PREX2: variants seen among roughly 807,000 people sequenced by gnomAD.
PREX2 encodes the protein phosphatidylinositol 3,4,5-trisphosphate-dependent Rac exchanger 2 protein.
In PREX2, 107 loss-of-function variants were observed where a neutral mutation model predicts 203.2. That is an observed-to-expected ratio of 0.53 (90% CI 0.45 to 0.62). The LOEUF is 0.62. Among genes scored for constraint, PREX2 ranks in the 20% least tolerant of loss-of-function variants. The pLI, the probability that PREX2 is intolerant of heterozygous loss-of-function variation, is 0.00. For synonymous variants in PREX2, 672 were observed against 663.6 expected (o/e 1.01, Z -0.19); for missense variants, 1,777 against 1,955.9 (o/e 0.91, Z 1.72).
chr8:68,076,678 T>C (rs1339864891), intron 14 of PREX2, among the ~76,000 whole-genome samples: 1 of 114,498 alleles, frequency 8.7e-6, no homozygotes, highest in African/African-American at 3.1e-5. Context: ...ACAATACAAC[T>C]CTAAGGTCAC....
At chr8:68,138,817 T>C (rs898233876) in intron 33 of PREX2, among the ~76,000 whole-genome samples, 2 of 152,180 alleles carry the variant, frequency 1.3e-5, no homozygotes, top group Non-Finnish European at 2.9e-5. Flanking sequence ...CTAAGAAATC[T>C]TCAGTAGTTT....
intron 33 of PREX2, 26 bp downstream of exon 33, chr8:68,138,543 T>G (rs752056701): frequency 2.6e-6 from 3 of 1,135,476 alleles, no homozygotes; most frequent in South Asian, 1.4e-5. Context: ...TTTACAAAAT[T>G]TATTTGGCAT....
intron 23 of PREX2, chr8:68,102,725 A>C: frequency 2.4e-6 from 1 of 419,028 alleles, no homozygotes; most frequent in South Asian, 1.8e-5. Context: ...TTGACTCTGA[A>C]AGTTTTAGGT....
chr8:68,055,471 A>G (rs1175383030), intron 9 of PREX2, among the ~76,000 whole-genome samples: 1 of 147,876 alleles, frequency 6.8e-6, no homozygotes, highest in African/African-American at 2.5e-5. Flanking sequence ...TTTTTTTTCT[A>G]CCAGAACTGT....
intron 1 of PREX2, among the ~76,000 whole-genome samples, chr8:67,992,473 T>C (rs1585685265): frequency 6.6e-6 from 1 of 152,312 alleles, no homozygotes; most frequent in East Asian, 1.9e-4. Context: ...CTTAGAGAAA[T>C]AGAGCATTTT....
intron 39 of PREX2, among the ~76,000 whole-genome samples, chr8:68,225,541 T>C (rs541998691): frequency 1.3e-5 from 2 of 152,222 alleles, no homozygotes; most frequent in Non-Finnish European, 2.9e-5. Flanking sequence ...ACTATTTCTC[T>C]TCACAGAGCA....
chr8:68,154,195 G>A (rs1298852566), intron 34 of PREX2, among the ~76,000 whole-genome samples: 1 of 152,156 alleles, frequency 6.6e-6, no homozygotes, highest in African/African-American at 2.4e-5. Context: ...TACAAACTTT[G>A]TGTTTGGCTA....
chr8:67,998,231 C>T (rs1012676292), intron 1 of PREX2, among the ~76,000 whole-genome samples: 9 of 152,116 alleles, frequency 5.9e-5, no homozygotes, highest in Non-Finnish European at 1.2e-4. Flanking sequence ...TATCCTGCCA[C>T]CCTGAATGCT....
At chr8:68,183,532 G>A (rs907878796) in intron 35 of PREX2, among the ~76,000 whole-genome samples, 2 of 152,058 alleles carry the variant, frequency 1.3e-5, no homozygotes, top group African/African-American at 4.8e-5. Context: ...GTTGCCATTC[G>A]AAAATATGTG....
Position 68,221,852 on chromosome 8 carries a change from C to T in PREX2, c.4708-2707C>T, listed in dbSNP as rs564831167. ...AGACAAAAAGCATTGTACACAAATACGTCACACTAGTTAGTAAATCTATTT... is the reference window on the plus strand; with the variant it reads ...AGACAAAAAGCATTGTACACAAATATGTCACACTAGTTAGTAAATCTATTT... On this transcript the variant is annotated intron_variant, in intron 38 of 39. Coordinates refer to ENST00000288368, the MANE Select transcript of PREX2 (RefSeq NM_024870.4). Among the ~76,000 whole-genome samples, 21 of 152,194 alleles carry T rather than the reference C, an allele frequency of 1.4e-4. No homozygotes were observed. The South Asian group carries it at 1.5e-3, about 11-fold the overall frequency.
rs115546655 is a variant in PREX2, at chr8:68,104,248, G to A, written c.2716-3861G>A. On this transcript the variant is annotated intron_variant, in intron 23 of 39. Coordinates refer to ENST00000288368, the MANE Select transcript of PREX2 (RefSeq NM_024870.4). ...TGTAAGTGGTATCTTTGCTGCTACC[G>A]ACCAACCCACAGTTGTCCTGAGTGG... 7.1e-3 allele frequency among the ~76,000 whole-genome samples: 1,081 copies of A among 152,204 alleles called. 10 individuals are homozygous for A. The highest frequency in any genetic ancestry group is 0.025 in the African/African-American group (1,039 of 41,518).
intron 23 of PREX2, among the ~76,000 whole-genome samples, chr8:68,100,837 G>A (rs1810242742): frequency 6.6e-6 from 1 of 152,172 alleles, no homozygotes; most frequent in Non-Finnish European, 1.5e-5. Flanking sequence ...TTGTAGGAAT[G>A]GATTGCAAGG....
At chr8:68,070,424 A>G (rs1177239555) in intron 13 of PREX2, among the ~76,000 whole-genome samples, 2 of 151,944 alleles carry the variant, frequency 1.3e-5, no homozygotes, top group Non-Finnish European at 2.9e-5. Flanking sequence ...GAAGAGGCAC[A>G]CTTGTTTTAA....
intron 6 of PREX2, among the ~76,000 whole-genome samples, chr8:68,035,402 C>A (rs900850738): frequency 7.9e-5 from 12 of 152,134 alleles, no homozygotes; most frequent in Non-Finnish European, 1.0e-4. Context: ...GCATTGTATA[C>A]GAGTGGGGAT....
intron 1 of PREX2, among the ~76,000 whole-genome samples, chr8:67,990,108 C>G (rs1217469811): frequency 1.3e-5 from 2 of 151,982 alleles, no homozygotes; most frequent in Admixed American, 6.5e-5. Context: ...GCCTCAGCCT[C>G]CCAGGTAGCT....
chr8:67,955,189 G>A (rs1185803360), intron 1 of PREX2, among the ~76,000 whole-genome samples: 3 of 150,610 alleles, frequency 2.0e-5, no homozygotes, highest in African/African-American at 4.9e-5. Flanking sequence ...TATGGCTAGA[G>A]GGAAAAGCTT....
At chr8:67,981,374 T>C (rs1451232669) in intron 1 of PREX2, among the ~76,000 whole-genome samples, 1 of 152,112 alleles carries the variant, frequency 6.6e-6, no homozygotes, top group East Asian at 1.9e-4. Context: ...GTAGTGGAAG[T>C]CTGAGAACAA....
rs541905939 is a variant in PREX2, at chr8:68,030,735, A to T, written c.705+77A>T. ...CCTCGTGCAGAATTACTGGCGTTGGATGGAACCATAAATGGTCATTTTCTC... is the reference window on the plus strand; with the variant it reads ...CCTCGTGCAGAATTACTGGCGTTGGTTGGAACCATAAATGGTCATTTTCTC... On this transcript the variant is annotated intron_variant, in intron 6 of 39. Coordinates refer to ENST00000288368, the MANE Select transcript of PREX2 (RefSeq NM_024870.4). 8.4e-5 allele frequency: 117 copies of T among 1,392,836 alleles called. 2 individuals are homozygous for T. The Middle Eastern group carries it at 1.4e-3, about 17-fold the overall frequency. The allele number at this position is 1,392,836 out of a possible 1,614,324, so 86.3% of individuals were successfully genotyped here. A position where few individuals can be genotyped will look rare whatever the true frequency, so the allele number is the denominator to read the frequency against.
chr8:68,199,067 C>T (rs1224643386), intron 37 of PREX2, among the ~76,000 whole-genome samples: 1 of 152,186 alleles, frequency 6.6e-6, no homozygotes. Context: ...TTTTAACTAG[C>T]ATACCCTGTG....
Sources: gnomAD v4.1 joint callset for allele counts (sites outside exome capture counted in the v4.1 genomes callset) on GRCh38, gnomAD v4.1.1 for gene constraint, MANE v1.5 for transcripts, NCBI Gene and HGNC (gene_info 2026-07-23, HGNC 2026-07-21) for gene names.